DHPS: variants seen among roughly 807,000 people sequenced by gnomAD.
DHPS encodes the protein deoxyhypusine synthase, also known as migration-inducing gene 13.
A neutral mutation model predicts 38.7 loss-of-function variants in DHPS; 24 were observed. That is an observed-to-expected ratio of 0.62 (90% CI 0.45 to 0.87). The LOEUF (loss-of-function observed/expected upper bound fraction) is 0.87. Among genes scored for constraint, DHPS ranks in the 40% least tolerant of loss-of-function variants. DHPS has a pLI of 0.00. For missense variants in DHPS, 510 were observed against 497.6 expected, an observed-to-expected ratio of 1.02 and a Z score of -0.24; for synonymous variants, 250 against 204.4, an observed-to-expected ratio of 1.22 and a Z score of -1.90.
intron 1 of DHPS, chr19:12,681,253 C>T: frequency 2.3e-6 from 3 of 1,286,622 alleles, no homozygotes; most frequent in Non-Finnish European, 2.0e-6. Flanking sequence ...CATATCCTCC[C>T]TTAATTTGTC....
At chr19:12,673,303 G>A (rs769168007), downstream of DHPS, 13 of 1,613,700 alleles carry the variant, frequency 8.1e-6, no homozygotes, top group South Asian at 1.4e-4. Context: ...GTGTTCTTCT[G>A]GGACCTGGTG....
At chr19:12,681,395 A>T in intron 1 of DHPS, 165 bp downstream of exon 1, 1 of 1,043,516 alleles carries the variant, frequency 9.6e-7, no homozygotes, top group Non-Finnish European at 1.4e-6. Flanking sequence ...TCCCCTTCCC[A>T]GGACAGAAAC....
rs759569057 is a variant in DHPS at position 12,677,151 on chromosome 19, C to A, written c.845G>T (p.Gly282Val). ...AATGTGGTGCTTGACCACGCCCCCG[C>A]CCAGAATGATCATCCCAGTGCACTT... ...FAKCTGMIIL[G>V]GGVVKHHIAN... Residue 282 changes from glycine (G) to valine (V), a missense_variant, in exon 7 of 9, where the codon GGC becomes GTC. Coordinates refer to ENST00000210060, the MANE Select transcript of DHPS (RefSeq NM_001930.4). 3 of 1,614,240 alleles carry A rather than the reference C, an allele frequency of 1.9e-6. No individual in the cohort carries two copies. The highest frequency in any genetic ancestry group is 2.5e-6 in the Non-Finnish European group (3 of 1,180,038).
Position 12,675,726 on chromosome 19 carries a change from T to G in DHPS, c.*112A>C. Reference sequence around the variant, plus strand: ...GACCGAGACACAGACATGGAAGGACTTCAGATACCATCTTATTCTAGAGAC... The same window carrying G: ...GACCGAGACACAGACATGGAAGGACGTCAGATACCATCTTATTCTAGAGAC... On this transcript the variant is annotated 3_prime_UTR_variant, in exon 9 of 9. Transcript: ENST00000210060. 1 of 1,587,864 alleles carries G rather than the reference T, an allele frequency of 6.3e-7. No individual in the cohort carries two copies. Among genetic ancestry groups the G allele is most frequent in the Non-Finnish European group, 8.5e-7 (1 of 1,170,300 alleles).
chr19:12,677,360 C>G lies in DHPS; in HGVS notation c.715G>C (p.Gly239Arg). The stretch of plus-strand genomic sequence containing the variant: ...AAGAAGATCATGTCGCCCAGCGAGC[C>G]GTCTGTAAGTGCGGGACTAAACACA... ...IPVFSPALTDGSLGDMIFFHS... is the reference protein window; with the variant it reads ...IPVFSPALTDRSLGDMIFFHS... The change falls in exon 6 of 9, where the codon GGC becomes CGC. Residue 239 changes from glycine (G) to arginine (R), a missense_variant. By Grantham distance (125) the Gly-to-Arg change is moderately radical (BLOSUM62 -2). Coordinates refer to ENST00000210060, the MANE Select transcript of DHPS (RefSeq NM_001930.4). 1 of 1,614,138 alleles carries G rather than the reference C, an allele frequency of 6.2e-7. No individual in the cohort carries two copies. The highest frequency in any genetic ancestry group is 8.5e-7 in the Non-Finnish European group (1 of 1,180,014).
intron 1 of DHPS, 173 bp downstream of exon 1, chr19:12,681,387 C>T (rs1321825972): frequency 3.9e-6 from 4 of 1,015,516 alleles, no homozygotes; most frequent in South Asian, 1.7e-5. Context: ...GTGCAAAATC[C>T]CCTTCCCAGG....
chr19:12,676,824 G>C (rs1335138967), intron 7 of DHPS: 6 of 467,426 alleles, frequency 1.3e-5, no homozygotes, highest in Non-Finnish European at 2.0e-5. Context: ...CCTGGGAGAT[G>C]CCTCCCCAAA....
downstream of DHPS, chr19:12,673,183 C>G (rs557273754): frequency 1.9e-6 from 3 of 1,613,708 alleles, no homozygotes; most frequent in Non-Finnish European, 8.5e-7. Context: ...CCAAGCCCCC[C>G]GATCCTGTCC....
At chr19:12,672,915 G>A (rs1296549573), downstream of DHPS, 1 of 1,599,846 alleles carries the variant, frequency 6.3e-7, no homozygotes, top group East Asian at 2.3e-5. Flanking sequence ...TACGTGGGCA[G>A]TGAGTGTGGC....
intron 5 of DHPS, among the ~76,000 whole-genome samples, chr19:12,677,781 G>A (rs139372547): frequency 6.6e-6 from 1 of 152,050 alleles, no homozygotes; most frequent in South Asian, 2.1e-4. Flanking sequence ...GATTACAGGC[G>A]CATGCCACTA....
downstream of DHPS, chr19:12,675,525 T>C (rs2024548252): frequency 1.2e-6 from 2 of 1,603,918 alleles, no homozygotes; most frequent in African/African-American, 1.3e-5. Context: ...CTCCACAGGG[T>C]GCGCTGGCTC....
At chr19:12,674,505 A>G (rs2024513004), downstream of DHPS, among the ~76,000 whole-genome samples, 1 of 152,198 alleles carries the variant, frequency 6.6e-6, no homozygotes, top group African/African-American at 2.4e-5. Context: ...AGGTAGCAAG[A>G]ATGTTCCACC....
downstream of DHPS, chr19:12,673,372 T>G: frequency 8.5e-7 from 1 of 1,169,602 alleles, no homozygotes; most frequent in Non-Finnish European, 1.3e-6. Context: ...CTCAGCCCTG[T>G]CCTTACCTCA....
In DHPS at chr19:12,677,407, C is replaced by T. The variant is rs2024641385; in HGVS notation, c.679-11G>A. On this transcript the variant is annotated splice_polypyrimidine_tract_variant and intron_variant, in intron 5 of 8. Transcript: ENST00000210060. ...CACAGGGATGTGGTTCTGCAGAGAA[C>T]ATGACAGGACAGTGGCTGGAGCTCA... is the stretch of plus-strand genomic sequence containing the variant. 1.1e-5 allele frequency: 17 copies of T among 1,610,722 alleles called. No homozygotes were observed. Among genetic ancestry groups the T allele is most frequent in the Non-Finnish European group, 1.4e-5 (16 of 1,177,864 alleles).
rs781031318 is a variant in DHPS at position 12,676,130 on chromosome 19, C to T, written c.901G>A (p.Asp301Asn). Residue 301 changes from aspartate to asparagine, a missense_variant, in exon 8 of 9, where the codon GAC (aspartate) becomes AAC (asparagine). Coordinates refer to ENST00000210060, the MANE Select transcript of DHPS (RefSeq NM_001930.4). ...ANANLMRNGA[D>N]YAVYINTAQE... ...GCTGTGTTGATGTAAACAGCGTAGT[C>T]GGCCCCGTTCCGCTGTGGGGAGGCG... 13 of 1,610,846 alleles carry T rather than the reference C, an allele frequency of 8.1e-6. No individual in the cohort carries two copies. The highest frequency in any genetic ancestry group is 8.0e-5 in the African/African-American group (6 of 74,880).
downstream of DHPS, chr19:12,675,639 G>A (rs1249500549): frequency 1.9e-6 from 3 of 1,601,670 alleles, no homozygotes; most frequent in South Asian, 3.3e-5. Context: ...GCTGGCGAGA[G>A]GAGGCCTATG....
rs912568665 is a variant in DHPS at position 12,681,861 on chromosome 19, G to C, written c.-95C>G. On this transcript the variant is annotated 5_prime_UTR_variant, in exon 1 of 9. Transcript: ENST00000210060. ...AACCCCGACGCGCGCGTCTCCGCAA[G>C]AGCACAGGAAGTAGGGAACGTGCTT... The C allele has an allele frequency of 7.1e-6, 8 of 1,127,348 alleles. No individual in the cohort carries two copies. The highest frequency in any genetic ancestry group is 2.2e-5 in the Admixed American group (1 of 46,192). The allele number at this position is 1,127,348 out of a possible 1,614,324, so 69.8% of individuals were successfully genotyped here.
At chr19:12,672,711 G>C, downstream of DHPS, 1 of 884,000 alleles carries the variant, frequency 1.1e-6, no homozygotes, top group African/African-American at 1.7e-5. Flanking sequence ...CCCTGGGCCT[G>C]AGTCTCAAGG....
Position 12,676,066 on chromosome 19 carries a change from T to C in DHPS, c.965A>G (p.Asp322Gly), listed in dbSNP as rs1263211903. The C allele has an allele frequency of 8.7e-6, 14 of 1,614,106 alleles. No individual in the cohort carries two copies. The highest frequency in any genetic ancestry group is 1.2e-5 in the Non-Finnish European group (14 of 1,179,994). ...FDGSDSGARP[D>G]EAVSWGKIRV... Reference sequence around the variant, plus strand: ...GATCTTGCCCCAGGAGACAGCCTCGTCTGGTCGGGCACCTGAGTCAGAGCC... The same window carrying C: ...GATCTTGCCCCAGGAGACAGCCTCGCCTGGTCGGGCACCTGAGTCAGAGCC... The change falls in exon 8 of 9, where the codon GAC becomes GGC. Residue 322 changes from aspartate to glycine, a missense_variant. Transcript: ENST00000210060.
Sources: allele counts gnomAD v4.1 joint callset (sites outside exome capture counted in the v4.1 genomes callset), GRCh38; gene constraint gnomAD v4.1.1; transcripts MANE v1.5; gene names NCBI Gene and HGNC (gene_info 2026-07-23, HGNC 2026-07-21).